FMN1: variants seen among roughly 807,000 people sequenced by gnomAD.
FMN1 encodes formin-1.
FMN1 carries 110 observed loss-of-function variants against 132.4 expected under a neutral mutation model. The ratio of observed to expected loss-of-function variants is 0.83; its 90% CI spans 0.71 to 0.97. The LOEUF is 0.97. Ranked by LOEUF, FMN1 falls within the 50% of genes least tolerant of loss-of-function variation. FMN1 has a pLI of 0.00. For synonymous variants in FMN1, 722 were observed against 651.7 expected, an observed-to-expected ratio of 1.11 and a Z score of -1.64; for missense variants, 1,792 against 1,705.3, an observed-to-expected ratio of 1.05 and a Z score of -0.90.
At chr15:32,972,140 T>C (rs180885572) in intron 7 of FMN1, among the ~76,000 whole-genome samples, 27 of 152,312 alleles carry the variant, frequency 1.8e-4, no homozygotes, top group Middle Eastern at 3.4e-3. Context: ...GTTTGCAGCA[T>C]AGTAAGTGCT....
chr15:32,941,335 A>T (rs1596316380), intron 9 of FMN1, among the ~76,000 whole-genome samples: 1 of 152,338 alleles, frequency 6.6e-6, no homozygotes, highest in South Asian at 2.1e-4. Context: ...GAGTCATTTA[A>T]CACTTAGCAC....
rs1443197218 is a variant in FMN1, at chr15:32,765,739, T to C, written c.*8571A>G. On this transcript the variant is annotated 3_prime_UTR_variant, in exon 21 of 21. Transcript: ENST00000616417. ...AGACAATTGACGTTTTTCTAATCAA[T>C]ATATATTATGTACAAAAATACACTT... 1 of 152,178 alleles carries C rather than the reference T, an allele frequency of 6.6e-6. No individual in the cohort carries two copies. The highest frequency in any genetic ancestry group is 6.5e-5 in the Admixed American group (1 of 15,270). 9.4% of individuals were successfully genotyped at this position (152,178 alleles called of 1,614,324 possible).
chr15:33,106,590 C>G (rs1206293287), intron 4 of FMN1, among the ~76,000 whole-genome samples: 2 of 152,064 alleles, frequency 1.3e-5, no homozygotes, highest in African/African-American at 4.8e-5. Context: ...CCAAGTTCTC[C>G]TGAGTTCACT....
chr15:33,120,775 C>G (rs1322117574), intron 4 of FMN1, among the ~76,000 whole-genome samples: 1 of 152,190 alleles, frequency 6.6e-6, no homozygotes, highest in South Asian at 2.1e-4. Flanking sequence ...TTTTACTGCA[C>G]ATTTGGTTTT....
chr15:33,114,164 G>A (rs776365682), intron 4 of FMN1, among the ~76,000 whole-genome samples: 47 of 152,172 alleles, frequency 3.1e-4, no homozygotes, highest in Non-Finnish European at 6.0e-4. Flanking sequence ...GCTAGTGCCT[G>A]CCCTTTATAT....
chr15:33,093,646 A>C (rs1202384379), intron 4 of FMN1, among the ~76,000 whole-genome samples: 1 of 152,220 alleles, frequency 6.6e-6, no homozygotes, highest in East Asian at 1.9e-4. Context: ...TGTGGTATCT[A>C]TCCACCCCAG....
chr15:33,052,543 T>C (rs2037025298), intron 6 of FMN1, among the ~76,000 whole-genome samples: 1 of 152,046 alleles, frequency 6.6e-6, no homozygotes, highest in Admixed American at 6.6e-5. Context: ...CTGGGTGTCC[T>C]ACAATTCAAT....
chr15:33,113,998 A>C (rs993627549), intron 4 of FMN1, among the ~76,000 whole-genome samples: 3 of 152,178 alleles, frequency 2.0e-5, no homozygotes, highest in African/African-American at 4.8e-5. Flanking sequence ...TCAGTTATCT[A>C]AGGTCCAAGT....
chr15:32,909,532 T>C (rs1431121002), intron 11 of FMN1, among the ~76,000 whole-genome samples: 3 of 152,216 alleles, frequency 2.0e-5, no homozygotes, highest in Non-Finnish European at 4.4e-5. Flanking sequence ...TATTAGACTA[T>C]GGAAATCTTC....
intron 17 of FMN1, among the ~76,000 whole-genome samples, chr15:32,828,438 A>T (rs2058423492): frequency 6.6e-6 from 1 of 152,108 alleles, no homozygotes; most frequent in African/African-American, 2.4e-5. Context: ...GTACAAAGGG[A>T]AATTCCATTT....
chr15:33,107,130 C>T (rs2039518005), intron 4 of FMN1, among the ~76,000 whole-genome samples: 2 of 152,138 alleles, frequency 1.3e-5, no homozygotes, highest in South Asian at 4.1e-4. Context: ...AAACCTGCTT[C>T]ATCCTTGAGT....
At chr15:33,011,252 G>A (rs1217295722) in intron 6 of FMN1, among the ~76,000 whole-genome samples, 3 of 152,074 alleles carry the variant, frequency 2.0e-5, no homozygotes, top group African/African-American at 7.2e-5. Flanking sequence ...AAGATACCAT[G>A]ATTTATAGGG....
chr15:32,885,097 C>T (rs347942), intron 16 of FMN1, among the ~76,000 whole-genome samples: 43,673 of 152,126 alleles, frequency 0.29, 6,877 homozygotes, highest in African/African-American at 0.42. Flanking sequence ...GTTACTTTCA[C>T]TGAACCAGTA....
chr15:33,020,787 T>C (rs1041907229), intron 6 of FMN1, among the ~76,000 whole-genome samples: 2 of 152,222 alleles, frequency 1.3e-5, no homozygotes, highest in African/African-American at 4.8e-5. Flanking sequence ...AGGATGTGCA[T>C]CTTTGAAATA....
At chr15:32,859,295 C>G (rs1376673784) in intron 16 of FMN1, among the ~76,000 whole-genome samples, 1 of 152,182 alleles carries the variant, frequency 6.6e-6, no homozygotes, top group Non-Finnish European at 1.5e-5. Flanking sequence ...ACAAATTCAA[C>G]TAAATTCAAA....
chr15:32,838,554 C>A lies in FMN1; in HGVS notation c.3928+18461G>T, dbSNP rs533839841. Among the ~76,000 whole-genome samples, 8 of 152,322 alleles carry A rather than the reference C, an allele frequency of 5.3e-5. No individual in the cohort carries two copies. In the South Asian group the frequency reaches 1.7e-3, roughly 32 times the overall value. On this transcript the variant is annotated intron_variant, in intron 17 of 20. Coordinates refer to ENST00000616417, the MANE Select transcript of FMN1 (RefSeq NM_001277313.2). ...GACTGCAGGCTCTGTCCTCTCCTGG[C>A]CTCCAGCCTGTGTGTACAACACACA...
chr15:32,937,546 G>C (rs1175038399), intron 9 of FMN1, among the ~76,000 whole-genome samples: 1 of 152,174 alleles, frequency 6.6e-6, no homozygotes, highest in Non-Finnish European at 1.5e-5. Flanking sequence ...CCACCATCTT[G>C]ATGACATTAC....
At chr15:32,892,507 G>C (rs1340075407) in intron 15 of FMN1, among the ~76,000 whole-genome samples, 1 of 152,140 alleles carries the variant, frequency 6.6e-6, no homozygotes, top group East Asian at 1.9e-4. Flanking sequence ...AAGGATATCG[G>C]TCTGTAGTTT....
Position 32,854,453 on chromosome 15 carries a change from T to C in FMN1, c.3928+2562A>G. ...CAATAGTATATATATTTTTATATTCTTAACTTTTTTAATAGAATGGTAATG... is the reference window on the plus strand; with the variant it reads ...CAATAGTATATATATTTTTATATTCCTAACTTTTTTAATAGAATGGTAATG... On this transcript the variant is annotated intron_variant, in intron 17 of 20. Coordinates refer to ENST00000616417, the MANE Select transcript of FMN1 (RefSeq NM_001277313.2). 1.3e-5 allele frequency among the ~76,000 whole-genome samples: 2 copies of C among 152,360 alleles called. 1 individual carries two copies.
Sources: allele counts gnomAD v4.1 joint callset (sites outside exome capture counted in the v4.1 genomes callset), GRCh38; gene constraint gnomAD v4.1.1; transcripts MANE v1.5; gene names NCBI Gene and HGNC (gene_info 2026-07-23, HGNC 2026-07-21).